Variants in TENM3 observed in about 807,000 individuals in gnomAD.
The protein encoded by TENM3 is teneurin transmembrane protein 3, also known as teneurin-3.
Under a neutral mutation model 255.1 loss-of-function variants are expected in TENM3, and 63 were observed. The observed-to-expected ratio is 0.25, with a 90% CI of 0.20 to 0.30. The LOEUF (loss-of-function observed/expected upper bound fraction) is 0.30. Ranked by LOEUF, TENM3 falls within the 10% of genes least tolerant of loss-of-function variation. The pLI, the probability that TENM3 is intolerant of heterozygous loss-of-function variation, is 1.00. For missense variants in TENM3, 2,929 were observed against 3,461.1 expected (o/e 0.85, Z 3.86); for synonymous variants, 1,306 against 1,322.3 (o/e 0.99, Z 0.27).
chr4:181,484,424 A>G, the TENM3 span, among the ~76,000 whole-genome samples: 1 of 151,974 alleles, frequency 6.6e-6, no homozygotes, highest in African/African-American at 2.4e-5. Context: ...TTTTCTTCTC[A>G]TTTGCATCTG....
chr4:181,656,221 TG>T, the TENM3 span, among the ~76,000 whole-genome samples: 1 of 152,040 alleles, frequency 6.6e-6, no homozygotes, highest in Admixed American at 6.6e-5. Flanking sequence ...AGATGGGAAA[TG>T]GAGCCCCAGG....
chr4:182,158,464 G>A (rs1204984007), intron 1 of TENM3, among the ~76,000 whole-genome samples: 1 of 152,202 alleles, frequency 6.6e-6, no homozygotes, highest in Non-Finnish European at 1.5e-5. Flanking sequence ...AATCCAGGAA[G>A]GGCTGGAGAG....
chr4:181,506,014 A>G, the TENM3 span, among the ~76,000 whole-genome samples: 3 of 152,300 alleles, frequency 2.0e-5, no homozygotes, highest in South Asian at 2.1e-4. Context: ...GAATAGATTG[A>G]TAAAAAACGT....
chr4:182,039,443 A>G, the TENM3 span, among the ~76,000 whole-genome samples: 1 of 152,140 alleles, frequency 6.6e-6, no homozygotes, highest in African/African-American at 2.4e-5. Context: ...CACTGGTGCA[A>G]AAAGTATGCT....
intron 1 of TENM3, among the ~76,000 whole-genome samples, chr4:182,149,169 T>TATTTC (rs1750162341): frequency 6.6e-6 from 1 of 151,982 alleles, no homozygotes; most frequent in African/African-American, 2.4e-5. Flanking sequence ...TGGCATCGGA[T>TATTTC]TGGTGTTTTT....
At chr4:182,196,716 A>G (rs1045793522) in intron 1 of TENM3, among the ~76,000 whole-genome samples, 6 of 152,194 alleles carry the variant, frequency 3.9e-5, no homozygotes, top group African/African-American at 1.4e-4. Flanking sequence ...CTTTAAGAAA[A>G]GTTGTGATCA....
chr4:181,505,513 A>T, the TENM3 span, among the ~76,000 whole-genome samples: 3 of 152,186 alleles, frequency 2.0e-5, no homozygotes, highest in Non-Finnish European at 4.4e-5. Flanking sequence ...GTTAAGCCTT[A>T]AAGTAAATTT....
chr4:181,709,250 G>T, the TENM3 span, among the ~76,000 whole-genome samples: 4 of 152,136 alleles, frequency 2.6e-5, no homozygotes, highest in Non-Finnish European at 5.9e-5. Context: ...CCTGCTACAG[G>T]TATTGTTTTG....
chr4:182,681,609 A>C (rs1756182292), intron 10 of TENM3, among the ~76,000 whole-genome samples: 1 of 152,228 alleles, frequency 6.6e-6, no homozygotes. Flanking sequence ...CAAGAGTCTC[A>C]ATTACCTAAA....
At chr4:181,870,459 A>G in the TENM3 span, among the ~76,000 whole-genome samples, 1 of 152,052 alleles carries the variant, frequency 6.6e-6, no homozygotes, top group Non-Finnish European at 1.5e-5. Flanking sequence ...CCCAAATAAC[A>G]ATTGGTGTTA....
intron 3 of TENM3, among the ~76,000 whole-genome samples, chr4:182,401,519 T>TGTG (rs1769213573): frequency 6.6e-6 from 1 of 152,234 alleles, no homozygotes; most frequent in Non-Finnish European, 1.5e-5. Context: ...GTGCCAGATG[T>TGTG]GTGGTATTTT....
chr4:181,887,172 T>C, the TENM3 span, among the ~76,000 whole-genome samples: 3 of 152,152 alleles, frequency 2.0e-5, no homozygotes, highest in Non-Finnish European at 4.4e-5. Context: ...AAAAATGTCC[T>C]TTCTGAGCCC....
rs564794299 is a variant in TENM3, at chr4:182,478,579, T to C, written c.512-122345T>C. 8.8e-4 allele frequency among the ~76,000 whole-genome samples: 134 copies of C among 152,168 alleles called. 2 individuals carry two copies. In the South Asian group the frequency reaches 0.027, roughly 31 times the overall value. ...TCCCAATCACAGGCTTTCATCCTTA[T>C]ACAGTGACTTGACTCTTTGCCACTA... On this transcript the variant is annotated intron_variant, in intron 3 of 27. Transcript: ENST00000511685.
chr4:181,688,305 GC>G, the TENM3 span, among the ~76,000 whole-genome samples: 1 of 152,090 alleles, frequency 6.6e-6, no homozygotes, highest in African/African-American at 2.4e-5. Context: ...CTAAGTCTAA[GC>G]CCTTTTTTTG....
chr4:182,150,487 ATCCAAGACAT>A (rs1476172095), intron 1 of TENM3, among the ~76,000 whole-genome samples: 2 of 152,056 alleles, frequency 1.3e-5, no homozygotes, highest in Non-Finnish European at 2.9e-5. Flanking sequence ...TTTAAATTTA[ATCCAAGACAT>A]TCCAAATATT....
At chr4:182,017,691 G>A in the TENM3 span, among the ~76,000 whole-genome samples, 2 of 152,162 alleles carry the variant, frequency 1.3e-5, no homozygotes, top group African/African-American at 4.8e-5. Context: ...TTTTCTTGTA[G>A]TTCTTACATG....
At chr4:182,687,346 T>C (rs1444878497) in intron 11 of TENM3, among the ~76,000 whole-genome samples, 3 of 152,166 alleles carry the variant, frequency 2.0e-5, no homozygotes. Context: ...CAATTGGAAC[T>C]AGTTAAATAA....
At chr4:181,865,388 G>A in the TENM3 span, among the ~76,000 whole-genome samples, 4 of 152,088 alleles carry the variant, frequency 2.6e-5, no homozygotes, top group Non-Finnish European at 5.9e-5. Context: ...TCTTGTTGCC[G>A]ATGATGATGG....
intron 3 of TENM3, among the ~76,000 whole-genome samples, chr4:182,414,312 C>T (rs1310956761): frequency 6.6e-6 from 1 of 152,114 alleles, no homozygotes; most frequent in Non-Finnish European, 1.5e-5. Flanking sequence ...TCTCTGCTCT[C>T]TGTGGATCTG....
Sources: allele counts gnomAD v4.1 joint callset (sites outside exome capture counted in the v4.1 genomes callset), GRCh38; gene constraint gnomAD v4.1.1; transcripts MANE v1.5; gene names NCBI Gene and HGNC (gene_info 2026-07-23, HGNC 2026-07-21).